NLRC4: variants seen among roughly 807,000 people sequenced by gnomAD.
NLRC4 encodes the protein NLR family CARD domain-containing protein 4.
Under a neutral mutation model 79.9 loss-of-function variants are expected in NLRC4, and 63 were observed. That is an observed-to-expected ratio of 0.79 (90% CI 0.64 to 0.97). The LOEUF (loss-of-function observed/expected upper bound fraction) is 0.97. NLRC4 is among the 50% of genes least tolerant of loss of function. NLRC4 has a pLI of 0.00. For synonymous variants in NLRC4, 461 were observed against 456.5 expected, an observed-to-expected ratio of 1.01 and a Z score of -0.12; for missense variants, 1,074 against 1,215.2, an observed-to-expected ratio of 0.88 and a Z score of 1.73.
Position 32,261,316 on chromosome 2 carries a change from C to CCCTTTTTTTTTTTTTTTTTTTTTTTTTT in NLRC4, c.-119+3421_-119+3422insAAAAAAAAAAAAAAAAAAAAAAAAAAGG. Reference sequence around the variant, plus strand: ...TTCTTTCGCCTATTAAGCCTCCCCCCTTTTGTTTTTTTTTGAGATGGAGCC... The same window carrying CCCTTTTTTTTTTTTTTTTTTTTTTTTTT: ...TTCTTTCGCCTATTAAGCCTCCCCCCCCTTTTTTTTTTTTTTTTTTTTTTTTTTTTTTGTTTTTTTTTGAGATGGAGCC... On this transcript the variant is annotated intron_variant, in intron 1 of 8. Coordinates refer to ENST00000402280, the MANE Select transcript of NLRC4 (RefSeq NM_001199138.2). 4.3e-3 allele frequency among the ~76,000 whole-genome samples: 413 copies of CCCTTTTTTTTTTTTTTTTTTTTTTTTTT among 96,902 alleles called. 32 individuals are homozygous for CCCTTTTTTTTTTTTTTTTTTTTTTTTTT. Among genetic ancestry groups the CCCTTTTTTTTTTTTTTTTTTTTTTTTTT allele is most frequent in the Middle Eastern group, 0.011 (2 of 176 alleles). The allele number at this position is 96,902 out of a possible 152,430, so 63.6% of individuals were successfully genotyped here.
At position 32,251,076 on chromosome 2, in the gene NLRC4, G is replaced by A. The variant is rs750900085; in HGVS notation, c.788C>T (p.Ala263Val). The A allele has an allele frequency of 6.2e-7, 1 of 1,614,062 alleles. No individual in the cohort carries two copies. ...FKPQNCPEIE[A>V]LIKENHRFKN... ...GAAGCGGTGGTTTTCCTTTATCAGGGCTTCGATTTCTGGGCAGTTCTGGGG... is the reference window on the plus strand; with the variant it reads ...GAAGCGGTGGTTTTCCTTTATCAGGACTTCGATTTCTGGGCAGTTCTGGGG... The change falls in exon 4 of 9, where the codon GCC becomes GTC. Residue 263 changes from alanine to valine, a missense_variant. Coordinates refer to ENST00000402280, the MANE Select transcript of NLRC4 (RefSeq NM_001199138.2).
chr2:32,234,323 A>C (rs1454998465), intron 8 of NLRC4, among the ~76,000 whole-genome samples: 1 of 152,052 alleles, frequency 6.6e-6, no homozygotes, highest in Non-Finnish European at 1.5e-5. Flanking sequence ...TGGAGTGTGC[A>C]GTGAGCTAAG....
chr2:32,257,644 G>A (rs1449848775), intron 1 of NLRC4, among the ~76,000 whole-genome samples: 1 of 151,688 alleles, frequency 6.6e-6, no homozygotes, highest in East Asian at 1.9e-4. Context: ...TAAGTAAGAT[G>A]AGGCCAGGTA....
chr2:32,246,000 A>G (rs1312150983), intron 4 of NLRC4, among the ~76,000 whole-genome samples: 1 of 152,018 alleles, frequency 6.6e-6, no homozygotes, highest in Non-Finnish European at 1.5e-5. Context: ...CCTGGCCAAC[A>G]TGGTGAAACC....
Position 32,251,055 on chromosome 2 carries a change from C to T in NLRC4, c.809G>A (p.Arg270His), listed in dbSNP as rs778359794. ...GGTGACGATGACCATGTTCTTGAAGCGGTGGTTTTCCTTTATCAGGGCTTC... is the reference window on the plus strand; with the variant it reads ...GGTGACGATGACCATGTTCTTGAAGTGGTGGTTTTCCTTTATCAGGGCTTC... The part of the protein sequence containing the change: ...EIEALIKENH[R>H]FKNMVIVTTT... The change falls in exon 4 of 9, where the codon CGC (arginine) becomes CAC (histidine). Residue 270 changes from arginine to histidine, a missense_variant. Coordinates refer to ENST00000402280, the MANE Select transcript of NLRC4 (RefSeq NM_001199138.2). 5 of 1,614,018 alleles carry T rather than the reference C, an allele frequency of 3.1e-6. No individual in the cohort carries two copies. The highest frequency in any genetic ancestry group is 4.2e-6 in the Non-Finnish European group (5 of 1,180,034).
chr2:32,261,330 T>TTTTTTTTTTTTTTTTTTTTTTTTTTTTG (rs1287944639), intron 1 of NLRC4, among the ~76,000 whole-genome samples: 1 of 122,550 alleles, frequency 8.2e-6, no homozygotes, highest in Admixed American at 8.8e-5. Flanking sequence ...TGTTTTTTTT[T>TTTTTTTTTTTTTTTTTTTTTTTTTTTTG]GAGATGGAGC....
rs199847843 is a variant in NLRC4 at position 32,224,809 on chromosome 2, T to A, written c.2783-44A>T. 17 of 1,023,070 alleles carry A rather than the reference T, an allele frequency of 1.7e-5. No homozygotes were observed. Among genetic ancestry groups the A allele is most frequent in the Middle Eastern group, 2.1e-4 (1 of 4,662 alleles). 63.4% of individuals were successfully genotyped at this position (1,023,070 alleles called of 1,614,324 possible). A position where few individuals can be genotyped will look rare whatever the true frequency, so the allele number is the denominator to read the frequency against. On this transcript the variant is annotated intron_variant, in intron 8 of 8. Coordinates refer to ENST00000402280, the MANE Select transcript of NLRC4 (RefSeq NM_001199138.2). ...ATATTAGTTGGAAGAAAAATTTTTTTTAAAAAAAAAGAGAAATAGGTTCTA... is the reference window on the plus strand; with the variant it reads ...ATATTAGTTGGAAGAAAAATTTTTTATAAAAAAAAAGAGAAATAGGTTCTA...
chr2:32,262,711 G>C (rs1687379804), intron 1 of NLRC4, among the ~76,000 whole-genome samples: 1 of 151,886 alleles, frequency 6.6e-6, no homozygotes. Flanking sequence ...AGGAGGTGGA[G>C]GTTTCAGTGA....
chr2:32,233,333 ATATATATATATATATATTT>A (rs894732576), intron 8 of NLRC4, among the ~76,000 whole-genome samples: 4 of 40,522 alleles, frequency 9.9e-5, no homozygotes, highest in African/African-American at 5.4e-4. Flanking sequence ...ATATATATAT[ATATATATATATATATATTT>A]TTTTTTTTTT....
chr2:32,236,262 C>T lies in NLRC4; in HGVS notation c.2599G>A (p.Ala867Thr). ...ENYLEKDGNE[A>T]LHELIDRMNV... is the part of the protein sequence containing the mutation. ...TCATTCTTACTCAGTTCATGAAGAG[C>T]TTCATTTCCATCTTTTTCCAGGTAA... Residue 867 changes from alanine to threonine, a missense_variant, in exon 7 of 9, where the codon GCT (alanine) becomes ACT (threonine). Physicochemically the swap from Ala to Thr is moderately conservative, Grantham distance 58. Coordinates refer to ENST00000402280, the MANE Select transcript of NLRC4 (RefSeq NM_001199138.2). 1 of 1,605,782 alleles carries T rather than the reference C, an allele frequency of 6.2e-7. No homozygotes were observed. Among genetic ancestry groups the T allele is most frequent in the African/African-American group, 1.3e-5 (1 of 74,758 alleles).
At chr2:32,226,375 TA>T (rs1233185605) in intron 8 of NLRC4, among the ~76,000 whole-genome samples, 7 of 152,338 alleles carry the variant, frequency 4.6e-5, no homozygotes, top group African/African-American at 1.7e-4. Context: ...ATCACCATCA[TA>T]AGGTCTTGAG....
chr2:32,247,264 G>A (rs1300144941), intron 4 of NLRC4, among the ~76,000 whole-genome samples: 1 of 152,000 alleles, frequency 6.6e-6, no homozygotes, highest in Non-Finnish European at 1.5e-5. Context: ...GCTCGCAGGA[G>A]AAGGATTTGC....
intron 4 of NLRC4, among the ~76,000 whole-genome samples, chr2:32,243,883 A>C (rs1257825642): frequency 3.3e-5 from 5 of 152,132 alleles, no homozygotes; most frequent in Non-Finnish European, 7.3e-5. Context: ...AAATCAATCC[A>C]TATAATTCAT....
rs182674123 is a variant in NLRC4 at position 32,255,533 on chromosome 2, A to G, written c.1+1242T>C. On this transcript the variant is annotated intron_variant, in intron 2 of 8. Transcript: ENST00000402280. ...AAAACTCCGTCTCAAAAAAAAAAAA[A>G]AAAAATAAGAAATACAGCCTCAGAA... Among the ~76,000 whole-genome samples the G allele has an allele frequency of 2.0e-4, 30 of 148,218 alleles. 1 individual carries two copies. The highest frequency in any genetic ancestry group is 1.8e-3 in the Admixed American group (26 of 14,762).
intron 8 of NLRC4, among the ~76,000 whole-genome samples, chr2:32,230,681 G>A (rs545517765): frequency 4.5e-4 from 68 of 152,128 alleles, no homozygotes; most frequent in Middle Eastern, 6.8e-3. Flanking sequence ...TTATTTGATG[G>A]ACATTTGAGT....
In NLRC4 at chr2:32,236,253, C is replaced by A; in HGVS notation, c.2608G>T (p.Glu870Ter). 1 of 1,597,694 alleles carries A rather than the reference C, an allele frequency of 6.3e-7. No homozygotes were observed. The highest frequency in any genetic ancestry group is 8.6e-7 in the Non-Finnish European group (1 of 1,166,650). ...GCTGAATTGTCATTCTTACTCAGTT[C>A]ATGAAGAGCTTCATTTCCATCTTTT... Reference protein sequence around the residue: ...LEKDGNEALHELIDRMNVLEQ... With the variant: ...LEKDGNEALH The change falls in exon 7 of 9, where the codon GAA (glutamate) becomes TAA (stop). Residue 870 changes from glutamate to a stop codon, truncating the protein, a stop_gained. Transcript: ENST00000402280. LOFTEE classifies it high-confidence loss of function.
intron 1 of NLRC4, among the ~76,000 whole-genome samples, chr2:32,261,524 A>G (rs1687350333): frequency 6.8e-6 from 1 of 147,700 alleles, no homozygotes; most frequent in Non-Finnish European, 1.5e-5. Context: ...GTTGGCCAGG[A>G]TGGTCTCAAC....
chr2:32,250,809 C>T lies in NLRC4; in HGVS notation c.1055G>A (p.Ser352Asn), dbSNP rs1264748950. ...TGTTTGTGTGTGAGAGTGGAACTCA[C>T]TTTCACCCATCTGGATTGCACAAGT... ...VITCAIQMGE[S>N]EFHSHTQTTL... The change falls in exon 4 of 9, where the codon AGT becomes AAT. Residue 352 changes from serine to asparagine, a missense_variant. Ser to Asn is a conservative substitution (Grantham distance 46). Transcript: ENST00000402280. This position sits in a 1 kb window ranked among gnomAD's most constrained non-coding sequence, Gnocchi z 4.9. 1 of 1,614,104 alleles carries T rather than the reference C, an allele frequency of 6.2e-7. No individual in the cohort carries two copies. The highest frequency in any genetic ancestry group is 8.5e-7 in the Non-Finnish European group (1 of 1,180,040).
In NLRC4 at chr2:32,250,675, C is replaced by A. The variant is rs1271902433; in HGVS notation, c.1189G>T (p.Ala397Ser). 3 of 1,614,164 alleles carry A rather than the reference C, an allele frequency of 1.9e-6. No homozygotes were observed. The highest frequency in any genetic ancestry group is 1.7e-6 in the Non-Finnish European group (2 of 1,180,000). Reference protein sequence around the residue: ...IRSLDHCGDLALEGVFSHKFD... With the variant: ...IRSLDHCGDLSLEGVFSHKFD... ...TTGTGGGAGAACACACCCTCCAGAG[C>A]TAGGTCTCCACAGTGGTCCAGGCTC... Residue 397 changes from alanine to serine, a missense_variant, in exon 4 of 9, where the codon GCT becomes TCT. Coordinates refer to ENST00000402280, the MANE Select transcript of NLRC4 (RefSeq NM_001199138.2). The surrounding 1 kb of genome is among the most constrained non-coding windows in gnomAD (Gnocchi z 4.9).
Sources: allele counts gnomAD v4.1 joint callset (sites outside exome capture counted in the v4.1 genomes callset), GRCh38; gene constraint gnomAD v4.1.1; non-coding constraint Gnocchi (gnomAD v3.1); transcripts MANE v1.5; gene names NCBI Gene and HGNC (gene_info 2026-07-23, HGNC 2026-07-21).